ZW10: variants seen among roughly 807,000 people sequenced by gnomAD.
ZW10 encodes the protein zw10 kinetochore protein.
A neutral mutation model predicts 87.8 loss-of-function variants in ZW10; 53 were observed. That is an observed-to-expected ratio of 0.60 (90% confidence interval 0.48 to 0.76). The LOEUF (loss-of-function observed/expected upper bound fraction) is 0.76. Among genes scored for constraint, ZW10 ranks in the 30% least tolerant of loss-of-function variants. The probability of loss-of-function intolerance (pLI) is 0.00; values close to 1 mark genes in which losing one functional copy is unlikely to be tolerated. For synonymous variants in ZW10, 312 were observed against 329.2 expected (o/e 0.95, Z 0.57); for missense variants, 837 against 923.0 (o/e 0.91, Z 1.21).
At chr11:113,755,988 C>G (rs1375662791) in intron 7 of ZW10, among the ~76,000 whole-genome samples, 1 of 152,094 alleles carries the variant, frequency 6.6e-6, no homozygotes, top group Admixed American at 6.5e-5. Context: ...CTTTTATATG[C>G]ACTGGGAAAT....
rs554728675 is a variant in ZW10, at chr11:113,737,305, C to T, written c.2016+267G>A. Among the ~76,000 whole-genome samples, 4 of 152,284 alleles carry T rather than the reference C, an allele frequency of 2.6e-5. No individual in the cohort carries two copies. The South Asian group carries it at 8.3e-4, about 32-fold the overall frequency. ...GCAAATTAAATGACTTTACACTATA[C>T]AACGCATCTCAGGACCACTACCCAG... On this transcript the variant is annotated intron_variant, in intron 14 of 15. Transcript: ENST00000200135.
At chr11:113,752,506 T>G (rs1953743605) in intron 7 of ZW10, among the ~76,000 whole-genome samples, 1 of 152,252 alleles carries the variant, frequency 6.6e-6, no homozygotes, top group South Asian at 2.1e-4. Context: ...AGCAAGTCTA[T>G]GAGCACCATT....
chr11:113,733,429 G>C lies in ZW10; in HGVS notation c.*265C>G. ...TCTGGAAGCAGCATGAAATAATGCT[G>C]CCTGACAGTTTGTTAGCTAATCAAA... On this transcript the variant is annotated 3_prime_UTR_variant, in exon 16 of 16. Transcript: ENST00000200135. 4.6e-6 allele frequency: 2 copies of C among 434,734 alleles called. No homozygotes were observed. Among genetic ancestry groups the C allele is most frequent in the Non-Finnish European group, 8.3e-6 (2 of 242,276 alleles). The allele number at this position is 434,734 out of a possible 1,614,324, so 26.9% of individuals were successfully genotyped here.
At chr11:113,739,422 T>C (rs1455396601) in intron 11 of ZW10, 40 bp from the exon 12 acceptor site, 3 of 1,549,708 alleles carry the variant, frequency 1.9e-6, no homozygotes, top group Non-Finnish European at 2.6e-6. Flanking sequence ...AGCAACCACC[T>C]GTTACTGAAG....
rs1215908994 is a variant in ZW10 at position 113,747,695 on chromosome 11, C to T, written c.1108G>A (p.Glu370Lys). 1 of 1,609,458 alleles carries T rather than the reference C, an allele frequency of 6.2e-7. No individual in the cohort carries two copies. The highest frequency in any genetic ancestry group is 2.2e-5 in the East Asian group (1 of 44,816). ...ATTTCCTTTAGGGCATTTTCAAATTCTTCAGTGGACTGTATGATCTGAGAT... is the reference window on the plus strand; with the variant it reads ...ATTTCCTTTAGGGCATTTTCAAATTTTTCAGTGGACTGTATGATCTGAGAT... ...QYEEIIQSTE[E>K]FENALKEMRF... The change falls in exon 9 of 16, where the codon GAA (glutamate) becomes AAA (lysine). Residue 370 changes from glutamate (E) to lysine (K), a missense_variant. Coordinates refer to ENST00000200135, the MANE Select transcript of ZW10 (RefSeq NM_004724.4).
rs764399614 is a variant in ZW10, at chr11:113,757,694, A to G, written c.893T>C (p.Leu298Pro). 12 of 1,610,984 alleles carry G rather than the reference A, an allele frequency of 7.4e-6. No individual in the cohort carries two copies. The highest frequency in any genetic ancestry group is 1.3e-5 in the African/African-American group (1 of 74,888). The change falls in exon 7 of 16, where the codon CTG becomes CCG. Residue 298 changes from leucine (L) to proline (P), a missense_variant. Physicochemically the swap from Leu to Pro is moderately conservative, Grantham distance 98. Coordinates refer to ENST00000200135, the MANE Select transcript of ZW10 (RefSeq NM_004724.4). ...CTGTTTCTGGAGCACTTCTAGTACC[A>G]GTCTGATCTTTGTAAAAACTTCAGA... ...SPSEVFTKIR[L>P]VLEVLQKQLL...
Position 113,757,665 on chromosome 11 carries a change from G to A in ZW10, c.922C>T (p.Leu308=). ...LVLEVLQKQL[L]DLPLDTDLEN... is the part of the protein sequence containing the mutation. ...GCACTGCCTTGGAGACACATACCTA[G>A]AAGCTGTTTCTGGAGCACTTCTAGT... The change falls in exon 7 of 16, where the codon CTA becomes TTA. Residue 308 remains leucine (L), a synonymous_variant. Coordinates refer to ENST00000200135, the MANE Select transcript of ZW10 (RefSeq NM_004724.4). 6.5e-7 allele frequency: 1 copy of A among 1,537,046 alleles called. No individual in the cohort carries two copies. Among genetic ancestry groups the A allele is most frequent in the Non-Finnish European group, 8.8e-7 (1 of 1,134,794 alleles).
At chr11:113,765,923 G>C (rs371794760) in intron 2 of ZW10, among the ~76,000 whole-genome samples, 12 of 152,158 alleles carry the variant, frequency 7.9e-5, no homozygotes, top group African/African-American at 1.2e-4. Context: ...TTAAAGTCAG[G>C]AGTCCTTTTC....
intron 2 of ZW10, 59 bp downstream of exon 2, chr11:113,768,774 C>A: frequency 6.3e-7 from 1 of 1,581,904 alleles, no homozygotes; most frequent in Non-Finnish European, 8.6e-7. Flanking sequence ...GCTGTCTTAG[C>A]AATCAGGAAG....
intron 1 of ZW10, chr11:113,769,552 CTG>C: frequency 5.5e-6 from 1 of 182,824 alleles, no homozygotes; most frequent in Non-Finnish European, 1.1e-5. Flanking sequence ...GTACTGAATA[CTG>C]TGTATTGAAT....
chr11:113,741,761 C>A lies in ZW10; in HGVS notation c.1516G>T (p.Val506Phe). The change falls in exon 11 of 16, where the codon GTT becomes TTT. Residue 506 changes from valine (V) to phenylalanine (F), a missense_variant. Physicochemically the swap from Val to Phe is conservative, Grantham distance 50. Transcript: ENST00000200135. ...EATTSSDQCA[V>F]QLFYSVRNIF... ...TTCCTCACTGAGTAGAAAAGTTGAA[C>A]AGCACTAAAAAGAAAACATAGACTT... is the stretch of plus-strand genomic sequence containing the variant. The A allele has an allele frequency of 3.7e-6, 6 of 1,605,404 alleles. No individual in the cohort carries two copies. The highest frequency in any genetic ancestry group is 1.1e-5 in the South Asian group (1 of 89,410).
chr11:113,748,676 T>C (rs1329953414), intron 7 of ZW10, among the ~76,000 whole-genome samples: 1 of 152,244 alleles, frequency 6.6e-6, no homozygotes, highest in Admixed American at 6.5e-5. Flanking sequence ...ATCTACATTA[T>C]AATCATCTAG....
At chr11:113,765,771 AG>A (rs1360709204) in intron 2 of ZW10, among the ~76,000 whole-genome samples, 2 of 152,192 alleles carry the variant, frequency 1.3e-5, no homozygotes, top group Non-Finnish European at 2.9e-5. Context: ...CTATCTTACA[AG>A]TAAGGCAATT....
Position 113,739,358 on chromosome 11 carries a change from C to A in ZW10, c.1608G>T (p.Gln536His), listed in dbSNP as rs774852334. Residue 536 changes from glutamine to histidine, a missense_variant, in exon 12 of 16, where the codon CAG becomes CAT. By Grantham distance (24) the Gln-to-His change is conservative. Transcript: ENST00000200135. ...AGTTGTTGTGATGAATAGCAGCCAA[C>A]TGGGGAAGTTTTTGAAGGTTCTCCC... The part of the protein sequence containing the change: ...YHKENLQKLP[Q>H]LAAIHHNNCM... 1 of 1,602,686 alleles carries A rather than the reference C, an allele frequency of 6.2e-7. No homozygotes were observed. Among genetic ancestry groups the A allele is most frequent in the Non-Finnish European group, 8.5e-7 (1 of 1,175,068 alleles).
At position 113,748,423 on chromosome 11, in the gene ZW10, G is replaced by A. The variant is rs765747854; in HGVS notation, c.926-3C>T. ...CAGGTCAGTGTCAAGTGGCAAATCT[G>A]AATTTTTTAAAAAAAGAAGTTTTAA... On this transcript the variant is annotated splice_region_variant and splice_polypyrimidine_tract_variant and intron_variant, in intron 7 of 15. Coordinates refer to ENST00000200135, the MANE Select transcript of ZW10 (RefSeq NM_004724.4). The A allele has an allele frequency of 4.0e-5, 63 of 1,572,264 alleles. 1 individual carries two copies. Among genetic ancestry groups the A allele is most frequent in the Non-Finnish European group, 4.9e-5 (57 of 1,165,544 alleles).
intron 1 of ZW10, chr11:113,770,083 C>CTTTTTTTTTTTT (rs34348055): frequency 3.9e-5 from 4 of 103,184 alleles, no homozygotes; most frequent in Admixed American, 1.1e-4. Context: ...TGTTAAATTT[C>CTTTTTTTTTTTT]TTTTTTTTTT....
Position 113,733,771 on chromosome 11 carries a change from TG to T in ZW10, c.2262del (p.Ser755ValfsTer3), listed in dbSNP as rs1276188198. 6.2e-7 allele frequency: 1 copy of T among 1,613,838 alleles called. No individual in the cohort carries two copies. Among genetic ancestry groups the T allele is most frequent in the Non-Finnish European group, 8.5e-7 (1 of 1,179,790 alleles). On this transcript the variant is annotated frameshift_variant, in exon 16 of 16. Coordinates refer to ENST00000200135, the MANE Select transcript of ZW10 (RefSeq NM_004724.4). LOFTEE classifies it high-confidence loss of function. ...GCACGAATTAAAGCTTTTACTTCAC[TG>T]GAAGAGAACGCAGCTGCCAGGGGTC... Reference protein sequence around the residue: ...GKGPLAAAFSSSEVKALIRAL... With the variant: ...GKGPLAAAFSXSEVKALIRAL...
chr11:113,766,867 A>G (rs1312234589), intron 2 of ZW10, among the ~76,000 whole-genome samples: 1 of 150,776 alleles, frequency 6.6e-6, no homozygotes, highest in African/African-American at 2.4e-5. Flanking sequence ...AAATACAAAA[A>G]TTAGCCAGGC....
chr11:113,772,380 T>TA (rs1953976069), intron 1 of ZW10, among the ~76,000 whole-genome samples: 1 of 152,182 alleles, frequency 6.6e-6, no homozygotes, highest in South Asian at 2.1e-4. Flanking sequence ...TATGACTACT[T>TA]AAAATTCAGG....
Sources: gnomAD v4.1 joint callset for allele counts (sites outside exome capture counted in the v4.1 genomes callset) on GRCh38, gnomAD v4.1.1 for gene constraint, MANE v1.5 for transcripts, NCBI Gene and HGNC (gene_info 2026-07-23, HGNC 2026-07-21) for gene names.